The following DNAJC15 variants were observed in gnomAD, a reference collection of about 807,000 sequenced individuals.
The protein encoded by DNAJC15 is DnaJ heat shock protein family (Hsp40) member C15, also known as dnaJ homolog subfamily C member 15.
Under a neutral mutation model 22.4 loss-of-function variants are expected in DNAJC15, and 27 were observed. That is an observed-to-expected ratio of 1.20 (90% CI 0.89 to 1.66). DNAJC15 has a LOEUF of 1.66. DNAJC15 is among the 40% of genes most tolerant of loss of function. DNAJC15 has a pLI of 0.00. For synonymous variants in DNAJC15, 79 were observed against 63.2 expected (o/e 1.25, Z -1.19); for missense variants, 208 against 187.1 (o/e 1.11, Z -0.65).
chr13:43,050,595 T>C (rs1294093843), intron 1 of DNAJC15, among the ~76,000 whole-genome samples: 1 of 152,170 alleles, frequency 6.6e-6, no homozygotes. Flanking sequence ...AATATGATTG[T>C]ATAGGATACA....
chr13:43,107,309 G>A lies in DNAJC15; in HGVS notation c.*61G>A, dbSNP rs1593335201. On this transcript the variant is annotated 3_prime_UTR_variant, in exon 6 of 6. Coordinates refer to ENST00000379221, the MANE Select transcript of DNAJC15 (RefSeq NM_013238.3). ...GGACTTCGAAAAAAAAAAAAGCCCT[G>A]CAAAATATTCTAAAACATGGTCTTC... The A allele has an allele frequency of 4.5e-6, 6 of 1,341,384 alleles. No homozygotes were observed. The highest frequency in any genetic ancestry group is 5.0e-6 in the Non-Finnish European group (5 of 1,001,188). The allele number at this position is 1,341,384 out of a possible 1,614,324, so 83.1% of individuals were successfully genotyped here.
chr13:43,080,766 A>G (rs1403989976), intron 4 of DNAJC15, among the ~76,000 whole-genome samples: 1 of 152,252 alleles, frequency 6.6e-6, no homozygotes, highest in African/African-American at 2.4e-5. Flanking sequence ...TACCTACCAA[A>G]TATCAGGTGC....
intron 5 of DNAJC15, among the ~76,000 whole-genome samples, chr13:43,096,395 G>T (rs1302770130): frequency 6.6e-6 from 1 of 152,124 alleles, no homozygotes; most frequent in Non-Finnish European, 1.5e-5. Context: ...CAGCTGTACT[G>T]AGCTAGGCAT....
At position 43,030,690 on chromosome 13, in the gene DNAJC15, C is replaced by T. The variant is rs901236690; in HGVS notation, c.108+6956C>T. On this transcript the variant is annotated intron_variant, in intron 1 of 5. Transcript: ENST00000379221. ...AAGATGAATCAAATACGCATTTTTT[C>T]CTCAAGGGACTTGACCAGAAACTAA... Among the ~76,000 whole-genome samples the T allele has an allele frequency of 2.0e-5, 3 of 152,112 alleles. No homozygotes were observed. The South Asian group carries it at 6.2e-4, about 32-fold the overall frequency.
chr13:43,070,097 A>G (rs1462329753), intron 3 of DNAJC15, among the ~76,000 whole-genome samples: 1 of 152,196 alleles, frequency 6.6e-6, no homozygotes, highest in African/African-American at 2.4e-5. Context: ...ATATTATGGT[A>G]TAGGTCACAA....
chr13:43,077,735 A>T (rs73473999), intron 3 of DNAJC15, among the ~76,000 whole-genome samples: 6,421 of 152,264 alleles, frequency 0.042, 471 homozygotes, highest in African/African-American at 0.15. Flanking sequence ...TGGGGATCTG[A>T]TGAGCACATA....
intron 5 of DNAJC15, among the ~76,000 whole-genome samples, chr13:43,090,757 G>A (rs2002615): frequency 0.017 from 2,501 of 150,398 alleles, 82 homozygotes; most frequent in East Asian, 0.1. Flanking sequence ...GCCCAGGCTG[G>A]AGTGCAGTGT....
In DNAJC15 at chr13:43,107,379, A is replaced by G. The variant is rs1250073323; in HGVS notation, c.*131A>G. ...GACCACAGTCTTATCTTCCACCATT[A>G]AGCTGTATAACAATAAAATGTTAAT... On this transcript the variant is annotated 3_prime_UTR_variant, in exon 6 of 6. Transcript: ENST00000379221. 3.3e-6 allele frequency: 2 copies of G among 606,828 alleles called. No homozygotes were observed. The highest frequency in any genetic ancestry group is 5.1e-6 in the Non-Finnish European group (2 of 388,554). 37.6% of individuals were successfully genotyped at this position (606,828 alleles called of 1,614,324 possible).
At chr13:43,067,324 T>G (rs2040588847) in intron 2 of DNAJC15, among the ~76,000 whole-genome samples, 1 of 152,210 alleles carries the variant, frequency 6.6e-6, no homozygotes, top group Non-Finnish European at 1.5e-5. Flanking sequence ...TCTCTTGATG[T>G]TTTTGTCATC....
At chr13:43,036,869 C>A (rs2040431310) in intron 1 of DNAJC15, among the ~76,000 whole-genome samples, 1 of 152,250 alleles carries the variant, frequency 6.6e-6, no homozygotes, top group Non-Finnish European at 1.5e-5. Flanking sequence ...AGTGCCTCAG[C>A]TTAGCCACAA....
intron 5 of DNAJC15, among the ~76,000 whole-genome samples, chr13:43,104,752 C>T (rs1377304838): frequency 1.3e-5 from 2 of 149,230 alleles, no homozygotes; most frequent in Non-Finnish European, 3.0e-5. Flanking sequence ...TGCAGTGGTG[C>T]GATCAAGACT....
At position 43,078,645 on chromosome 13, in the gene DNAJC15, C is replaced by G; in HGVS notation, c.268C>G (p.Gln90Glu). 3 of 1,613,396 alleles carry G rather than the reference C, an allele frequency of 1.9e-6. No individual in the cohort carries two copies. The highest frequency in any genetic ancestry group is 2.5e-6 in the Non-Finnish European group (3 of 1,179,614). ...ATCCTACTATAAAGGAGGATTTGAA[C>G]AGAAAATGAGTAGGCGAGAAGCTGG... ...FSSYYKGGFE[Q>E]KMSRREAGLI... The change falls in exon 4 of 6, where the codon CAG becomes GAG. Residue 90 changes from glutamine to glutamate, a missense_variant. Coordinates refer to ENST00000379221, the MANE Select transcript of DNAJC15 (RefSeq NM_013238.3).
At chr13:43,089,050 T>G (rs894018526) in intron 5 of DNAJC15, among the ~76,000 whole-genome samples, 8 of 152,234 alleles carry the variant, frequency 5.3e-5, no homozygotes, top group African/African-American at 1.9e-4. Context: ...ATAACTTATA[T>G]GGCTGACACA....
At position 43,078,658 on chromosome 13, in the gene DNAJC15, G is replaced by C; in HGVS notation, c.281G>C (p.Arg94Thr). Residue 94 changes from arginine to threonine, a missense_variant, in exon 4 of 6, where the codon AGG becomes ACG. Physicochemically the swap from Arg to Thr is moderately conservative, Grantham distance 71 (BLOSUM62 -1). Transcript: ENST00000379221. ...YKGGFEQKMS[R>T]REAGLILGVS... ...GGAGGATTTGAACAGAAAATGAGTA[G>C]GCGAGAAGCTGGTCTTATTTTAGGT... 3 of 1,613,614 alleles carry C rather than the reference G, an allele frequency of 1.9e-6. No homozygotes were observed. The highest frequency in any genetic ancestry group is 1.7e-6 in the Non-Finnish European group (2 of 1,179,686).
At chr13:43,094,360 T>C (rs1463032994) in intron 5 of DNAJC15, among the ~76,000 whole-genome samples, 7 of 152,206 alleles carry the variant, frequency 4.6e-5, no homozygotes. Context: ...ACATGCAGAC[T>C]CTTAGGTTCC....
intron 1 of DNAJC15, among the ~76,000 whole-genome samples, chr13:43,036,270 G>A (rs2040428419): frequency 6.7e-6 from 1 of 150,016 alleles, no homozygotes; most frequent in African/African-American, 2.5e-5. Context: ...GGCTCAAGCA[G>A]TCCTCCGACC....
chr13:43,046,175 A>G (rs1487769239), intron 1 of DNAJC15, among the ~76,000 whole-genome samples: 3 of 150,574 alleles, frequency 2.0e-5, no homozygotes, highest in African/African-American at 4.9e-5. Flanking sequence ...TTTTTTTGTA[A>G]GGAAATTTAC....
At chr13:43,029,085 A>C in intron 1 of DNAJC15, among the ~76,000 whole-genome samples, 1 of 152,180 alleles carries the variant, frequency 6.6e-6, no homozygotes. Context: ...TGGATATTTG[A>C]TTTTAATATC....
At position 43,088,926 on chromosome 13, in the gene DNAJC15, A is replaced by T. The variant is rs570294720; in HGVS notation, c.382+3088A>T. ...CCCTTCATTTCAGCATTTTAGATTT[A>T]AGGCTTTGTGTTAACTAATTTTTTT... On this transcript the variant is annotated intron_variant, in intron 5 of 5. Transcript: ENST00000379221. Among the ~76,000 whole-genome samples, 7 of 150,956 alleles carry T rather than the reference A, an allele frequency of 4.6e-5. No individual in the cohort carries two copies. The South Asian group carries it at 1.5e-3, about 32-fold the overall frequency.
Sources: gnomAD v4.1 joint callset for allele counts (sites outside exome capture counted in the v4.1 genomes callset) on GRCh38, gnomAD v4.1.1 for gene constraint, MANE v1.5 for transcripts, NCBI Gene and HGNC (gene_info 2026-07-23, HGNC 2026-07-21) for gene names.